The following LAS1L variants were observed in gnomAD, a reference collection of about 807,000 sequenced individuals.
LAS1L encodes ribosomal biogenesis protein LAS1L.
LAS1L carries 5 observed loss-of-function variants against 57.3 expected under a neutral mutation model. That is an observed-to-expected ratio of 0.09 (90% confidence interval 0.05 to 0.18). The LOEUF is 0.18. Among genes scored for constraint, LAS1L ranks in the 10% least tolerant of loss-of-function variants. LAS1L has a pLI of 1.00. For synonymous variants in LAS1L, 245 were observed against 231.7 expected (o/e 1.06, Z -0.52); for missense variants, 360 against 568.3 (o/e 0.63, Z 3.73).
rs779262859 is a variant in LAS1L at position 65,523,157 on chromosome X, GAGCAACTGAAGGTTGCTA to G, written c.1448+385_1448+402del. ...CTAGACTTAACAGGAAGGCAATAGG[GAGCAACTGAAGGTTGCTA>G]AGCAACTATCAGAGGTATACTTTGG... On this transcript the variant is annotated intron_variant, in intron 11 of 13. Transcript: ENST00000374811. 3.3e-5 allele frequency: 4 copies of G among 121,907 alleles called. No individual in the cohort carries two copies. The East Asian group carries it at 9.8e-4, about 30-fold the overall frequency. The allele number at this position is 121,907 out of a possible 1,213,427, so 10.0% of individuals were successfully genotyped here.
intron 13 of LAS1L, among the ~76,000 whole-genome samples, chrX:65,514,529 T>G (rs1006785587): frequency 8.2e-5 from 4 of 48,670 alleles, no homozygotes; most frequent in African/African-American, 4.0e-4. Flanking sequence ...TGTGTGTGTG[T>G]GCCTGCACAC....
At position 65,517,976 on chromosome X, in the gene LAS1L, G is replaced by A. The variant is rs1422564161; in HGVS notation, c.1927+11C>T. 1 of 1,178,622 alleles carries A rather than the reference G, an allele frequency of 8.5e-7. No individual in the cohort carries two copies. Among genetic ancestry groups the A allele is most frequent in the Non-Finnish European group, 1.1e-6 (1 of 881,981 alleles). ...GAAAAGAAGTCCATGTGGGGACAAA[G>A]TAGTTCTTACCTGAGCTAACCTGCC... is the stretch of plus-strand genomic sequence containing the variant. On this transcript the variant is annotated intron_variant, in intron 12 of 13. Coordinates refer to ENST00000374811, the MANE Select transcript of LAS1L (RefSeq NM_031206.7).
intron 11 of LAS1L, chrX:65,523,333 T>C: frequency 3.0e-6 from 1 of 337,763 alleles, no homozygotes; most frequent in Admixed American, 5.3e-5. Context: ...GATTGTCTTA[T>C]CCATTCCCAC....
rs1602559320 is a variant in LAS1L, at chrX:65,512,909, G to A, written c.2079-8C>T. On this transcript the variant is annotated splice_polypyrimidine_tract_variant and splice_region_variant and intron_variant, in intron 13 of 13. Coordinates refer to ENST00000374811, the MANE Select transcript of LAS1L (RefSeq NM_031206.7). The stretch of plus-strand genomic sequence containing the variant: ...CAGCTCAGGCCCAAGGTGCTGAGGA[G>A]AGAGTGGGAGGTCAGTCAGGGAAGG... 6 of 1,162,188 alleles carry A rather than the reference G, an allele frequency of 5.2e-6. No homozygotes were observed. Among genetic ancestry groups the A allele is most frequent in the Non-Finnish European group, 6.9e-6 (6 of 869,056 alleles).
intron 7 of LAS1L, among the ~76,000 whole-genome samples, chrX:65,526,998 G>T (rs1248728408): frequency 9.9e-6 from 1 of 101,383 alleles, no homozygotes; most frequent in African/African-American, 3.6e-5. Flanking sequence ...GATCACCTGA[G>T]GTCAAGAGTT....
At chrX:65,514,365 T>C (rs897485721) in intron 13 of LAS1L, among the ~76,000 whole-genome samples, 6 of 111,093 alleles carry the variant, frequency 5.4e-5, no homozygotes, top group African/African-American at 1.6e-4. Context: ...GATTACTCTA[T>C]GCACCATTAG....
intron 7 of LAS1L, among the ~76,000 whole-genome samples, chrX:65,527,897 T>A (rs1454622042): frequency 9.0e-6 from 1 of 111,090 alleles, no homozygotes; most frequent in Non-Finnish European, 1.9e-5. Flanking sequence ...CATACATATA[T>A]CTTTTACCTC....
At chrX:65,520,968 C>T in intron 11 of LAS1L, 14 of 753,709 alleles carry the variant, frequency 1.9e-5, no homozygotes, top group Non-Finnish European at 2.2e-5. Context: ...TGTTCAAATG[C>T]CTCCTCTTGA....
intron 12 of LAS1L, among the ~76,000 whole-genome samples, chrX:65,517,015 T>G (rs2068661936): frequency 2.7e-5 from 3 of 110,982 alleles, no homozygotes; most frequent in Middle Eastern, 4.6e-3. Context: ...CACACTGTTC[T>G]GTCATCCCTT....
At chrX:65,525,174 G>A (rs2069060889) in intron 7 of LAS1L, 124 bp from the exon 8 acceptor site, 2 of 515,164 alleles carry the variant, frequency 3.9e-6, no homozygotes, top group African/African-American at 4.6e-5. Flanking sequence ...TAGGGAGGAG[G>A]GGTGGTGGGT....
rs781762777 is a variant in LAS1L at position 65,531,443 on chromosome X, T to G, written c.433-5A>C. 3 of 1,177,959 alleles carry G rather than the reference T, an allele frequency of 2.5e-6. No individual in the cohort carries two copies. Among genetic ancestry groups the G allele is most frequent in the Non-Finnish European group, 3.5e-6 (3 of 865,118 alleles). ...AATCCAATCCGGAATATTTACCTGA[T>G]TACAGGGGAGGGTGTGAGTACAGAA... On this transcript the variant is annotated splice_polypyrimidine_tract_variant and splice_region_variant and intron_variant, in intron 3 of 13. Coordinates refer to ENST00000374811, the MANE Select transcript of LAS1L (RefSeq NM_031206.7).
At chrX:65,534,402 G>C (rs1602666564) in intron 1 of LAS1L, 78 bp downstream of exon 1, 1 of 731,805 alleles carries the variant, frequency 1.4e-6, no homozygotes, top group Non-Finnish European at 1.9e-6. Context: ...TGGAGAACAG[G>C]GCCTTATAGA....
At chrX:65,515,638 C>T (rs191501714) in intron 12 of LAS1L, among the ~76,000 whole-genome samples, 1,255 of 110,351 alleles carry the variant, frequency 0.011, 6 homozygotes, top group Non-Finnish European at 0.017. Context: ...TTCTAGGGAA[C>T]GGCTGTCTCA....
intron 4 of LAS1L, 50 bp from the exon 5 acceptor site, chrX:65,529,928 A>C (rs2069382807): frequency 1.8e-6 from 2 of 1,119,916 alleles, no homozygotes; most frequent in Non-Finnish European, 2.4e-6. Flanking sequence ...GGCAGCTAGC[A>C]GGCCTCCAGC....
rs765373605 is a variant in LAS1L, at chrX:65,531,349, G to A, written c.514+8C>T. 8.4e-7 allele frequency: 1 copy of A among 1,188,750 alleles called. No homozygotes were observed. Among genetic ancestry groups the A allele is most frequent in the Non-Finnish European group, 1.1e-6 (1 of 875,001 alleles). On this transcript the variant is annotated splice_region_variant and intron_variant, in intron 4 of 13. Coordinates refer to ENST00000374811, the MANE Select transcript of LAS1L (RefSeq NM_031206.7). ...TAACTGTGATAGGTATAACCTCTGA[G>A]GACTCACCTCTGCGGCAGTCATTTA...
In LAS1L at chrX:65,523,714, G is replaced by A; in HGVS notation, c.1301-7C>T. On this transcript the variant is annotated splice_polypyrimidine_tract_variant and splice_region_variant and intron_variant, in intron 10 of 13. Transcript: ENST00000374811. The stretch of plus-strand genomic sequence containing the variant: ...AATCGGCGAGCATTCCGTCCTGAGA[G>A]AGAAGAGAGGATCTAAGGAGAAGGA... 1 of 1,174,714 alleles carries A rather than the reference G, an allele frequency of 8.5e-7. No homozygotes were observed. The highest frequency in any genetic ancestry group is 1.1e-6 in the Non-Finnish European group (1 of 877,081).
chrX:65,524,324 A>G, intron 9 of LAS1L, 62 bp from the exon 10 acceptor site: 3 of 864,426 alleles, frequency 3.5e-6, no homozygotes, highest in Non-Finnish European at 5.0e-6. Context: ...GAGAGCACGA[A>G]AGAGAGAGCA....
Position 65,534,729 on chromosome X carries a change from A to C in LAS1L, c.-14T>G. The C allele has an allele frequency of 8.9e-7, 1 of 1,129,867 alleles. No homozygotes were observed. The highest frequency in any genetic ancestry group is 1.2e-6 in the Non-Finnish European group (1 of 839,896). 93.1% of individuals were successfully genotyped at this position (1,129,867 alleles called of 1,213,427 possible). A position where few individuals can be genotyped will look rare whatever the true frequency, so the allele number is the denominator to read the frequency against. On this transcript the variant is annotated 5_prime_UTR_variant, in exon 1 of 14. Coordinates refer to ENST00000374811, the MANE Select transcript of LAS1L (RefSeq NM_031206.7). ...TTCCCACGACATACTGAGCTCAACA[A>C]CAGGCTCTGTGCCGCGCCGCTCCGC...
intron 9 of LAS1L, 38 bp downstream of exon 9, chrX:65,524,526 G>A: frequency 1.9e-6 from 1 of 520,808 alleles, no homozygotes. Context: ...AAACAAAACA[G>A]AGATCTGGTT....
Sources: gnomAD v4.1 joint callset for allele counts (sites outside exome capture counted in the v4.1 genomes callset) on GRCh38, gnomAD v4.1.1 for gene constraint, MANE v1.5 for transcripts, NCBI Gene and HGNC (gene_info 2026-07-23, HGNC 2026-07-21) for gene names.